ZZEF1: variants seen among roughly 807,000 people sequenced by gnomAD.
ZZEF1 encodes zinc finger ZZ-type and EF-hand domain containing 1, also known as zinc finger ZZ-type and EF-hand domain-containing protein 1.
Under a neutral mutation model 342.8 loss-of-function variants are expected in ZZEF1, and 157 were observed. The ratio of observed to expected loss-of-function variants is 0.46; its 90% confidence interval spans 0.40 to 0.52. The LOEUF is 0.52. Among genes scored for constraint, ZZEF1 ranks in the 20% least tolerant of loss-of-function variants. The pLI, the probability that ZZEF1 is intolerant of heterozygous loss-of-function variation, is 0.00. For synonymous variants in ZZEF1, 1,505 were observed against 1,429.1 expected (o/e 1.05, Z -1.20); for missense variants, 3,480 against 3,725.6 (o/e 0.93, Z 1.72).
rs1034736812 is a variant in ZZEF1, at chr17:4,135,121, C to T, written c.354+7421G>A. 2.0e-5 allele frequency among the ~76,000 whole-genome samples: 3 copies of T among 152,202 alleles called. No individual in the cohort carries two copies. In the South Asian group the frequency reaches 6.2e-4, roughly 32 times the overall value. ...ACTGGAGACTATTAAGGGTGGAGGG[C>T]GCTGATCACCCCAGATCTGCATAAG... On this transcript the variant is annotated intron_variant, in intron 1 of 54. Transcript: ENST00000381638.
intron 2 of ZZEF1, among the ~76,000 whole-genome samples, chr17:4,120,114 T>A (rs879692447): frequency 6.6e-6 from 1 of 151,940 alleles, no homozygotes. Flanking sequence ...CCCAGCACTT[T>A]TGGGAGGCCA....
chr17:4,118,122 C>T (rs767210529), intron 2 of ZZEF1, among the ~76,000 whole-genome samples: 2 of 152,134 alleles, frequency 1.3e-5, no homozygotes, highest in Non-Finnish European at 2.9e-5. Context: ...GGCAGGGTGA[C>T]GGGTGGGAAC....
chr17:4,014,279 C>T lies in ZZEF1; in HGVS notation c.8314+68G>A. On this transcript the variant is annotated intron_variant, in intron 50 of 54. Coordinates refer to ENST00000381638, the MANE Select transcript of ZZEF1 (RefSeq NM_015113.4). The surrounding 1 kb of genome is among the most constrained non-coding windows in gnomAD (Gnocchi z 4.4). ...GGGTTTCAACATTCTCCAGTAAGTT[C>T]CCTTCTCAATATTAAGTTTAAACAC... is the stretch of plus-strand genomic sequence containing the variant. 6.2e-7 allele frequency: 1 copy of T among 1,610,738 alleles called. No homozygotes were observed. Among genetic ancestry groups the T allele is most frequent in the Non-Finnish European group, 8.5e-7 (1 of 1,177,192 alleles).
At chr17:4,070,561 G>T in intron 26 of ZZEF1, 123 bp downstream of exon 26, 1 of 1,171,850 alleles carries the variant, frequency 8.5e-7, no homozygotes, top group Non-Finnish European at 1.2e-6. Context: ...CCAACAAGAT[G>T]ATGTTTACAG....
rs74500649 is a variant in ZZEF1 at position 4,130,729 on chromosome 17, G to A, written c.355-6678C>T. Among the ~76,000 whole-genome samples the A allele has an allele frequency of 3.7e-3, 570 of 152,208 alleles. 22 individuals carry two copies. In the East Asian group the frequency reaches 0.071, roughly 19 times the overall value. ...TTAAGAAAGATGGAATGCAGAAAAC[G>A]TAGGGGAGGAAATCACTATCATTAC... On this transcript the variant is annotated intron_variant, in intron 1 of 54. Transcript: ENST00000381638.
chr17:4,087,447 T>G lies in ZZEF1; in HGVS notation c.2329A>C (p.Lys777Gln). ...ATTCTGACCTACTTTTGCTTTAATT[T>G]ACTGTAAAAATTCCAGAAGATCTGC... Reference protein sequence around the residue: ...DLQIFWNFYSKLKQNPREECV... With the variant: ...DLQIFWNFYSQLKQNPREECV... Residue 777 changes from lysine to glutamine, a missense_variant, in exon 14 of 55, where the codon AAA (lysine) becomes CAA (glutamine). Lys to Gln is a moderately conservative substitution (Grantham distance 53). Coordinates refer to ENST00000381638, the MANE Select transcript of ZZEF1 (RefSeq NM_015113.4). 1.2e-6 allele frequency: 2 copies of G among 1,610,086 alleles called. No homozygotes were observed. The highest frequency in any genetic ancestry group is 1.7e-6 in the Non-Finnish European group (2 of 1,179,016).
chr17:4,033,747 C>A (rs1597789674), intron 40 of ZZEF1: 2 of 490,478 alleles, frequency 4.1e-6, no homozygotes, highest in Non-Finnish European at 3.7e-6. Context: ...CCACACTTAC[C>A]GCTCATTAAA....
chr17:4,113,340 A>G (rs934553884), intron 4 of ZZEF1, among the ~76,000 whole-genome samples: 2 of 152,178 alleles, frequency 1.3e-5, no homozygotes, highest in South Asian at 4.1e-4. Context: ...TCTTGACCAC[A>G]CTATTTCTTC....
At chr17:4,044,866 C>T (rs979057966) in intron 37 of ZZEF1, among the ~76,000 whole-genome samples, 2 of 152,110 alleles carry the variant, frequency 1.3e-5, no homozygotes, top group African/African-American at 4.8e-5. Flanking sequence ...AAGACAGTAA[C>T]TGTCGGGCTG....
intron 11 of ZZEF1, among the ~76,000 whole-genome samples, chr17:4,092,076 C>CAAAAA (rs764233105): frequency 2.7e-4 from 8 of 29,690 alleles, no homozygotes; most frequent in South Asian, 1.8e-3. Context: ...AACTCCACCT[C>CAAAAA]AAAAAAAAAA....
At chr17:4,039,834 T>C (rs907457475) in intron 39 of ZZEF1, among the ~76,000 whole-genome samples, 10 of 151,974 alleles carry the variant, frequency 6.6e-5, no homozygotes, top group South Asian at 6.3e-4. Flanking sequence ...TTAGTTGAGA[T>C]GGGGTTTCAC....
intron 36 of ZZEF1, 102 bp downstream of exon 36, chr17:4,050,679 A>C (rs1238982337): frequency 1.3e-6 from 2 of 1,537,950 alleles, no homozygotes; most frequent in Non-Finnish European, 1.8e-6. Flanking sequence ...GGAAAAGTGG[A>C]TGTTGCCACC....
intron 27 of ZZEF1, 53 bp from the exon 28 acceptor site, chr17:4,066,593 A>ACAGC: frequency 6.5e-7 from 1 of 1,540,484 alleles, no homozygotes; most frequent in South Asian, 1.1e-5. Context: ...GGAAGCAAGG[A>ACAGC]CAGCCATGGC....
Position 4,076,686 on chromosome 17 carries a change from G to A in ZZEF1, c.3185C>T (p.Thr1062Ile), listed in dbSNP as rs145121533. ...CVLLREFSVLTELLKKLCSGP... is the reference protein window; with the variant it reads ...CVLLREFSVLIELLKKLCSGP... ...ACTACAGAGCTTCTTCAGGAGTTCT[G>A]TGAGGACGCTGAACTCTCTCAAGAG... is the stretch of plus-strand genomic sequence containing the variant. The change falls in exon 21 of 55, where the codon ACA becomes ATA. Residue 1062 changes from threonine (T) to isoleucine (I), a missense_variant. This residue lies in a region of ZZEF1 where 1,528 missense variants were observed against 1,624.1 expected (regional missense o/e 0.94). Coordinates refer to ENST00000381638, the MANE Select transcript of ZZEF1 (RefSeq NM_015113.4). 8.9e-5 allele frequency: 144 copies of A among 1,613,378 alleles called. No homozygotes were observed. The African/African-American group carries it at 1.7e-3, about 19-fold the overall frequency.
chr17:4,137,424 C>T (rs890260120), intron 1 of ZZEF1, among the ~76,000 whole-genome samples: 1 of 152,248 alleles, frequency 6.6e-6, no homozygotes, highest in Non-Finnish European at 1.5e-5. Flanking sequence ...TCCTGGCTAA[C>T]ACGGTGAAAC....
chr17:4,068,536 C>T (rs927119218), intron 26 of ZZEF1, among the ~76,000 whole-genome samples: 5 of 151,832 alleles, frequency 3.3e-5, no homozygotes, highest in South Asian at 4.2e-4. Context: ...ATCCACCTGC[C>T]TTGGCCTCCC....
intron 39 of ZZEF1, among the ~76,000 whole-genome samples, chr17:4,037,631 T>A (rs918246757): frequency 6.6e-6 from 1 of 152,220 alleles, no homozygotes; most frequent in African/African-American, 2.4e-5. Flanking sequence ...TTGCCCAAAC[T>A]GGAATGCAGA....
chr17:4,032,295 A>G (rs2056566155), intron 41 of ZZEF1, 37 bp from the exon 42 acceptor site: 3 of 1,596,616 alleles, frequency 1.9e-6, no homozygotes, highest in Non-Finnish European at 2.6e-6. Flanking sequence ...AGGCAACTCA[A>G]ACATGGAGAC....
At chr17:4,044,546 G>C (rs1428650875) in intron 37 of ZZEF1, among the ~76,000 whole-genome samples, 172 bp from the exon 38 acceptor site, 1 of 151,872 alleles carries the variant, frequency 6.6e-6, no homozygotes, top group Non-Finnish European at 1.5e-5. Flanking sequence ...TTGAGATAGA[G>C]TCTCACTCTG....
Sources: gnomAD v4.1 joint callset for allele counts (sites outside exome capture counted in the v4.1 genomes callset) on GRCh38, gnomAD v4.1.1 for gene constraint, gnomAD v4.1.1 regional missense constraint, Gnocchi (gnomAD v3.1) non-coding constraint, MANE v1.5 for transcripts, NCBI Gene and HGNC (gene_info 2026-07-23, HGNC 2026-07-21) for gene names.